NALF1: variants seen among roughly 807,000 people sequenced by gnomAD.
The protein encoded by NALF1 is family with sequence similarity 155 member A.
Under a neutral mutation model 48.4 loss-of-function variants are expected in NALF1, and 3 were observed. The ratio of observed to expected loss-of-function variants is 0.06; its 90% CI spans 0.03 to 0.16. NALF1 has a LOEUF of 0.16. Among genes scored for constraint, NALF1 ranks in the 10% least tolerant of loss-of-function variants. The probability of loss-of-function intolerance (pLI) is 1.00; values close to 1 mark genes in which losing one functional copy is unlikely to be tolerated. For synonymous variants in NALF1, 262 were observed against 245.7 expected (o/e 1.07, Z -0.62); for missense variants, 526 against 571.5 (o/e 0.92, Z 0.81).
At chr13:107,627,542 A>C (rs1305019470) in intron 1 of NALF1, among the ~76,000 whole-genome samples, 1 of 152,098 alleles carries the variant, frequency 6.6e-6, no homozygotes, top group Non-Finnish European at 1.5e-5. Flanking sequence ...CTCTGCATGA[A>C]AGCAGCATGG....
In NALF1 at chr13:107,621,880, T is replaced by C. The variant is rs142398867; in HGVS notation, c.915+243802A>G. On this transcript the variant is annotated intron_variant, in intron 1 of 2. Transcript: ENST00000375915. ...GATAACTGAGTCGGGCAGGGCTCTATCTCCCTCTTTGCTCCAAGGTTGGTT... is the reference window on the plus strand; with the variant it reads ...GATAACTGAGTCGGGCAGGGCTCTACCTCCCTCTTTGCTCCAAGGTTGGTT... Among the ~76,000 whole-genome samples, 148 of 152,254 alleles carry C rather than the reference T, an allele frequency of 9.7e-4. 2 individuals are homozygous for C. The East Asian group carries it at 0.027, about 27-fold the overall frequency.
chr13:107,673,150 A>G (rs944954262), intron 1 of NALF1, among the ~76,000 whole-genome samples: 1 of 152,084 alleles, frequency 6.6e-6, no homozygotes, highest in African/African-American at 2.4e-5. Context: ...CTTGTGTTCT[A>G]AAGACTTTCC....
Position 107,299,544 on chromosome 13 carries a change from C to T in NALF1, c.916-88789G>A, listed in dbSNP as rs552544190. 1.4e-4 allele frequency among the ~76,000 whole-genome samples: 21 copies of T among 150,852 alleles called. No individual in the cohort carries two copies. In the South Asian group the frequency reaches 3.7e-3, roughly 27 times the overall value. ...AACATCCTATTTTTCCTTAAACTTTCGCTGGCTGATTTTCCAATTGATAAG... is the reference window on the plus strand; with the variant it reads ...AACATCCTATTTTTCCTTAAACTTTTGCTGGCTGATTTTCCAATTGATAAG... On this transcript the variant is annotated intron_variant, in intron 1 of 2. Transcript: ENST00000375915.
At chr13:107,854,252 GA>G (rs1880387745) in intron 1 of NALF1, among the ~76,000 whole-genome samples, 1 of 152,176 alleles carries the variant, frequency 6.6e-6, no homozygotes, top group Non-Finnish European at 1.5e-5. Context: ...GAATATATCT[GA>G]AACCTGCCAT....
At chr13:107,719,550 T>C (rs1686762969) in intron 1 of NALF1, among the ~76,000 whole-genome samples, 5 of 152,156 alleles carry the variant, frequency 3.3e-5, no homozygotes, top group Admixed American at 3.3e-4. Context: ...TCCAAATCCA[T>C]ACTTCTACTT....
chr13:107,262,420 A>T lies in NALF1; in HGVS notation c.916-51665T>A, dbSNP rs969535447. ...ACAGAGCAAAACTCTGTCTCAAAAA[A>T]ACAAACAAAAAAGCATATGGAAGCT... On this transcript the variant is annotated intron_variant, in intron 1 of 2. Transcript: ENST00000375915. Among the ~76,000 whole-genome samples, 8 of 152,264 alleles carry T rather than the reference A, an allele frequency of 5.3e-5. No individual in the cohort carries two copies. In the East Asian group the frequency reaches 1.4e-3, roughly 26 times the overall value.
intron 1 of NALF1, among the ~76,000 whole-genome samples, chr13:107,470,260 A>G (rs2139051830): frequency 6.6e-6 from 1 of 152,322 alleles, no homozygotes; most frequent in Non-Finnish European, 1.5e-5. Context: ...CTTATTTGAC[A>G]CTTTAGTGAG....
At chr13:107,518,792 T>C (rs1481101376) in intron 1 of NALF1, among the ~76,000 whole-genome samples, 1 of 152,146 alleles carries the variant, frequency 6.6e-6, no homozygotes, top group Non-Finnish European at 1.5e-5. Context: ...GACAGAACAT[T>C]CTAAACAAAT....
At chr13:107,481,718 A>G (rs1327480480) in intron 1 of NALF1, among the ~76,000 whole-genome samples, 1 of 152,108 alleles carries the variant, frequency 6.6e-6, no homozygotes, top group Non-Finnish European at 1.5e-5. Context: ...GAGGGCTTCA[A>G]GGGTGAAGTG....
chr13:107,380,973 G>A (rs1461905569), intron 1 of NALF1, among the ~76,000 whole-genome samples: 1 of 132,098 alleles, frequency 7.6e-6, no homozygotes, highest in Non-Finnish European at 1.6e-5. Context: ...GCCAGACACG[G>A]TCTCAAAAAA....
At chr13:107,512,785 C>T (rs1875939128) in intron 1 of NALF1, among the ~76,000 whole-genome samples, 1 of 152,094 alleles carries the variant, frequency 6.6e-6, no homozygotes, top group Non-Finnish European at 1.5e-5. Context: ...CAGAGTGTTG[C>T]CATGGCAACG....
chr13:107,706,957 C>G (rs1414047082), intron 1 of NALF1, among the ~76,000 whole-genome samples: 2 of 110,252 alleles, frequency 1.8e-5, no homozygotes, highest in Non-Finnish European at 3.4e-5. Context: ...GAGTCTCGCT[C>G]TGTCGCCCAG....
At chr13:107,318,927 C>A (rs1882201437) in intron 1 of NALF1, among the ~76,000 whole-genome samples, 1 of 152,028 alleles carries the variant, frequency 6.6e-6, no homozygotes, top group Admixed American at 6.6e-5. Flanking sequence ...ATTTGTATGT[C>A]CATTTATAAG....
chr13:107,246,771 T>C (rs927361268), intron 1 of NALF1, among the ~76,000 whole-genome samples: 2 of 152,146 alleles, frequency 1.3e-5, no homozygotes, highest in African/African-American at 2.4e-5. Flanking sequence ...TTGAGGATTG[T>C]TTTTTATGAT....
chr13:107,532,555 G>A (rs529142725), intron 1 of NALF1, among the ~76,000 whole-genome samples: 60 of 152,122 alleles, frequency 3.9e-4, no homozygotes, highest in African/African-American at 1.4e-3. Context: ...TTACAGTGTG[G>A]TATAGTCCAA....
chr13:107,839,538 C>A (rs1464913198), intron 1 of NALF1, among the ~76,000 whole-genome samples: 1 of 151,468 alleles, frequency 6.6e-6, no homozygotes, highest in Admixed American at 6.6e-5. Flanking sequence ...AATCCACTGT[C>A]TGATATAAGT....
chr13:107,691,217 G>A (rs1881560309), intron 1 of NALF1, among the ~76,000 whole-genome samples: 1 of 152,158 alleles, frequency 6.6e-6, no homozygotes, highest in Admixed American at 6.5e-5. Flanking sequence ...GCCAGCAAAT[G>A]GCCAGAAGCC....
intron 1 of NALF1, among the ~76,000 whole-genome samples, chr13:107,605,421 G>C (rs1303132574): frequency 1.3e-5 from 2 of 152,086 alleles, no homozygotes; most frequent in African/African-American, 2.4e-5. Context: ...ACTAATTCGG[G>C]ACTTGGCTTT....
chr13:107,625,985 A>G (rs7326166), intron 1 of NALF1, among the ~76,000 whole-genome samples: 88,041 of 151,800 alleles, frequency 0.58, 27,958 homozygotes, highest in East Asian at 0.99. Context: ...GCTGGGCTCA[A>G]TAATGCTTAT....
Sources: gnomAD v4.1 joint callset for allele counts (sites outside exome capture counted in the v4.1 genomes callset) on GRCh38, gnomAD v4.1.1 for gene constraint, MANE v1.5 for transcripts, NCBI Gene and HGNC (gene_info 2026-07-23, HGNC 2026-07-21) for gene names.